GMCL1: variants seen among roughly 807,000 people sequenced by gnomAD.
GMCL1 encodes the protein germ cell-less protein-like 1.
GMCL1 carries 54 observed loss-of-function variants against 75.5 expected under a neutral mutation model. The observed-to-expected ratio is 0.71, with a 90% confidence interval of 0.57 to 0.90. The LOEUF (loss-of-function observed/expected upper bound fraction) is 0.90, where lower values mean the gene tolerates loss of function less well. GMCL1 is among the 40% of genes least tolerant of loss of function. GMCL1 has a pLI of 0.00. For synonymous variants in GMCL1, 210 were observed against 209.6 expected, an observed-to-expected ratio of 1.00 and a Z score of -0.02; for missense variants, 537 against 622.7, an observed-to-expected ratio of 0.86 and a Z score of 1.47.
At chr2:69,836,547 T>C (rs1480134506) in intron 1 of GMCL1, among the ~76,000 whole-genome samples, 3 of 152,220 alleles carry the variant, frequency 2.0e-5, no homozygotes, top group Admixed American at 2.0e-4. Flanking sequence ...GTTTTTATTG[T>C]CGGCTAGGAA....
Position 69,830,132 on chromosome 2 carries a change from G to C in GMCL1, c.240G>C (p.Arg80=). 6.4e-7 allele frequency: 1 copy of C among 1,571,442 alleles called. No homozygotes were observed. The highest frequency in any genetic ancestry group is 8.6e-7 in the Non-Finnish European group (1 of 1,157,878). The stretch of plus-strand genomic sequence containing the variant: ...AGGAGGAGGGGGACGAGCAGCAGCG[G>C]CTCCTCAACACCCCTCGAAGGTACG... ...EDEEEGDEQQ[R]LLNTPRRKKL... Residue 80 remains arginine, a synonymous_variant, in exon 1 of 14, where the codon CGG becomes CGC. Transcript: ENST00000282570.
At chr2:69,857,926 G>A (rs975514834) in intron 9 of GMCL1, among the ~76,000 whole-genome samples, 2 of 151,252 alleles carry the variant, frequency 1.3e-5, no homozygotes, top group Admixed American at 1.3e-4. Context: ...TCTTTTTTTT[G>A]CTTTTTAAAG....
chr2:69,865,017 T>C, intron 11 of GMCL1, 42 bp downstream of exon 11: 2 of 1,427,196 alleles, frequency 1.4e-6, no homozygotes, highest in Non-Finnish European at 2.0e-6. Context: ...ATACAAATTG[T>C]ATTATCAGCA....
chr2:69,865,539 C>G (rs1675787319), intron 11 of GMCL1, among the ~76,000 whole-genome samples: 1 of 151,892 alleles, frequency 6.6e-6, no homozygotes, highest in African/African-American at 2.4e-5. Context: ...ACCCAGCTAC[C>G]AGGGAGGCTG....
At chr2:69,845,849 T>G (rs1675124005) in intron 6 of GMCL1, among the ~76,000 whole-genome samples, 1 of 152,162 alleles carries the variant, frequency 6.6e-6, no homozygotes, top group Non-Finnish European at 1.5e-5. Flanking sequence ...CAGCAGTGCT[T>G]CTGAGACAAG....
At chr2:69,876,163 G>C (rs1473137794) in intron 13 of GMCL1, among the ~76,000 whole-genome samples, 1 of 152,056 alleles carries the variant, frequency 6.6e-6, no homozygotes, top group African/African-American at 2.4e-5. Flanking sequence ...TGTGTAGGAA[G>C]GATTAAAGAT....
At position 69,839,408 on chromosome 2, in the gene GMCL1, G is replaced by C. The variant is rs772083042; in HGVS notation, c.385-49G>C. 5.4e-6 allele frequency: 6 copies of C among 1,114,810 alleles called. No individual in the cohort carries two copies. The East Asian group carries it at 1.2e-4, about 22-fold the overall frequency. 69.1% of individuals were successfully genotyped at this position (1,114,810 alleles called of 1,614,324 possible). On this transcript the variant is annotated intron_variant, in intron 2 of 13. Transcript: ENST00000282570. ...GAATTAGAAATGGGCAAATAATTTG[G>C]AAGACACAGAAAGTACTTGATAATC...
At chr2:69,851,103 C>A (rs981559121) in intron 8 of GMCL1, among the ~76,000 whole-genome samples, 4 of 152,168 alleles carry the variant, frequency 2.6e-5, no homozygotes, top group African/African-American at 9.7e-5. Flanking sequence ...TACATATGTT[C>A]TGCACTTCCA....
At chr2:69,830,887 T>C (rs1310466335) in intron 1 of GMCL1, among the ~76,000 whole-genome samples, 1 of 152,108 alleles carries the variant, frequency 6.6e-6, no homozygotes, top group Non-Finnish European at 1.5e-5. Flanking sequence ...TTTTAAAGGT[T>C]ATTTGGTAGG....
chr2:69,866,837 T>G (rs540488391), intron 11 of GMCL1, among the ~76,000 whole-genome samples: 2 of 152,334 alleles, frequency 1.3e-5, no homozygotes, highest in South Asian at 4.1e-4. Context: ...CATTCTTCCT[T>G]GTTGCTGCTT....
At chr2:69,842,822 T>C (rs1675021159) in intron 4 of GMCL1, 2 of 164,552 alleles carry the variant, frequency 1.2e-5, no homozygotes, top group Admixed American at 6.3e-5. Context: ...ACAGACAAAA[T>C]GCTGCTAAAG....
chr2:69,854,714 T>C lies in GMCL1; in HGVS notation c.935-109T>C. 3 of 803,740 alleles carry C rather than the reference T, an allele frequency of 3.7e-6. No homozygotes were observed. The South Asian group carries it at 6.3e-5, about 17-fold the overall frequency. 49.8% of individuals were successfully genotyped at this position (803,740 alleles called of 1,614,324 possible). On this transcript the variant is annotated intron_variant, in intron 8 of 13. Transcript: ENST00000282570. ...AATTCTTGAGAACTTTAAAACTAGCTTATTTTGTATTCTAATAGACATGAA... is the reference window on the plus strand; with the variant it reads ...AATTCTTGAGAACTTTAAAACTAGCCTATTTTGTATTCTAATAGACATGAA...
chr2:69,836,345 C>A (rs1295901934), intron 1 of GMCL1, among the ~76,000 whole-genome samples: 1 of 152,170 alleles, frequency 6.6e-6, no homozygotes, highest in South Asian at 2.1e-4. Flanking sequence ...TACTCTTAAT[C>A]TTTAATGTAA....
At position 69,855,152 on chromosome 2, in the gene GMCL1, A is replaced by G. The variant is rs377244968; in HGVS notation, c.1072+192A>G. 7.9e-5 allele frequency among the ~76,000 whole-genome samples: 12 copies of G among 152,244 alleles called. No individual in the cohort carries two copies. In the East Asian group the frequency reaches 1.2e-3, roughly 15 times the overall value. ...CATATCATGAGTATTTTCCCATATC[A>G]TATTTCATGAAATACTCTCTAGAAT... On this transcript the variant is annotated intron_variant, in intron 9 of 13. Transcript: ENST00000282570.
intron 1 of GMCL1, among the ~76,000 whole-genome samples, chr2:69,830,714 C>T (rs1674646928): frequency 6.7e-6 from 1 of 148,202 alleles, no homozygotes; most frequent in African/African-American, 2.5e-5. Context: ...AAGTCGTTGA[C>T]CGTGGATGTA....
chr2:69,849,938 G>A (rs764254842), intron 8 of GMCL1, among the ~76,000 whole-genome samples, 196 bp downstream of exon 8: 9 of 152,184 alleles, frequency 5.9e-5, no homozygotes, highest in Non-Finnish European at 1.0e-4. Context: ...GAAAATCAAG[G>A]CTAGATAAGA....
intron 1 of GMCL1, among the ~76,000 whole-genome samples, chr2:69,835,841 T>C (rs904741108): frequency 4.6e-5 from 7 of 152,198 alleles, no homozygotes. Context: ...CCTGAACTGG[T>C]GAATTTCACA....
At chr2:69,856,215 G>T (rs1675463827) in intron 9 of GMCL1, among the ~76,000 whole-genome samples, 1 of 152,148 alleles carries the variant, frequency 6.6e-6, no homozygotes, top group South Asian at 2.1e-4. Flanking sequence ...AGGTATCTTA[G>T]ATTTGAAATT....
At chr2:69,861,087 C>A (rs1448651676) in intron 9 of GMCL1, among the ~76,000 whole-genome samples, 191 bp from the exon 10 acceptor site, 1 of 152,220 alleles carries the variant, frequency 6.6e-6, no homozygotes, top group African/African-American at 2.4e-5. Context: ...AGGTGATCCA[C>A]CTGCCTTGGC....
Sources: gnomAD v4.1 joint callset for allele counts (sites outside exome capture counted in the v4.1 genomes callset) on GRCh38, gnomAD v4.1.1 for gene constraint, MANE v1.5 for transcripts, NCBI Gene and HGNC (gene_info 2026-07-23, HGNC 2026-07-21) for gene names.